Variants in UNC80 observed in about 807,000 individuals in gnomAD.
UNC80 encodes unc-80 subunit of NALCN channel complex, also known as protein unc-80 homolog.
A neutral mutation model predicts 384.6 loss-of-function variants in UNC80; 164 were observed. The ratio of observed to expected loss-of-function variants is 0.43; its 90% confidence interval spans 0.38 to 0.49. The LOEUF (loss-of-function observed/expected upper bound fraction) is 0.49, where lower values mean the gene tolerates loss of function less well. UNC80 is among the 20% of genes least tolerant of loss of function. The pLI, the probability that UNC80 is intolerant of heterozygous loss-of-function variation, is 0.00. For synonymous variants in UNC80, 1,486 were observed against 1,527.8 expected, an observed-to-expected ratio of 0.97 and a Z score of 0.64; for missense variants, 3,330 against 4,143.0, an observed-to-expected ratio of 0.80 and a Z score of 5.39.
chr2:209,789,619 A>G lies in UNC80; in HGVS notation c.798+14A>G, dbSNP rs1229651834. 1 of 1,591,076 alleles carries G rather than the reference A, an allele frequency of 6.3e-7. No homozygotes were observed. The highest frequency in any genetic ancestry group is 8.6e-7 in the Non-Finnish European group (1 of 1,159,724). On this transcript the variant is annotated intron_variant, in intron 6 of 64. Coordinates refer to ENST00000673920, the MANE Select transcript of UNC80 (RefSeq NM_001371986.1). Reference sequence around the variant, plus strand: ...AGACACTTAGAGGTTAGTTTATTATAATCATAAGAAGAAGGGAGGCAGAAA... The same window carrying G: ...AGACACTTAGAGGTTAGTTTATTATGATCATAAGAAGAAGGGAGGCAGAAA...
In UNC80 at chr2:209,839,423, C is replaced by T. The variant is rs183886966; in HGVS notation, c.3243C>T (p.Leu1081=). ...TTTCCCTCCGAAAGAAGCTTAAACT[C>T]CCCATAGGTAAAAGTATGTCTGTAT... ...RRISLRKKLK[L]PIGNWLKRSS... is the part of the protein sequence containing the mutation. The change falls in exon 19 of 65, where the codon CTC becomes CTT. Residue 1081 remains leucine (L), a synonymous_variant. Coordinates refer to ENST00000673920, the MANE Select transcript of UNC80 (RefSeq NM_001371986.1). The surrounding 1 kb of genome is among the most constrained non-coding windows in gnomAD (Gnocchi z 4.1). The T allele has an allele frequency of 1.7e-4, 260 of 1,552,058 alleles. 1 individual carries two copies. The East Asian group carries it at 4.9e-3, about 29-fold the overall frequency.
chr2:209,845,150 C>T (rs1459634362), intron 21 of UNC80: 3 of 151,558 alleles, frequency 2.0e-5, no homozygotes, highest in African/African-American at 7.3e-5. Flanking sequence ...GGAAAAGCCA[C>T]ATGAGGACAT....
At chr2:209,831,717 A>T in intron 16 of UNC80, 126 bp downstream of exon 16, 1 of 1,111,300 alleles carries the variant, frequency 9.0e-7, no homozygotes, top group African/African-American at 1.6e-5. Flanking sequence ...TTAAATATCT[A>T]TTTTCCCCGG....
intron 28 of UNC80, among the ~76,000 whole-genome samples, chr2:209,903,869 C>T (rs2087850455): frequency 6.6e-6 from 1 of 151,624 alleles, no homozygotes; most frequent in South Asian, 2.1e-4. Context: ...CCCACATCAT[C>T]TTGCTTTGTG....
rs1387342753 is a variant in UNC80 at position 209,926,939 on chromosome 2, T to C, written c.5759T>C (p.Ile1920Thr). 1 of 1,552,112 alleles carries C rather than the reference T, an allele frequency of 6.4e-7. No homozygotes were observed. Among genetic ancestry groups the C allele is most frequent in the Non-Finnish European group, 8.7e-7 (1 of 1,147,042 alleles). The change falls in exon 36 of 65, where the codon ATT (isoleucine) becomes ACT (threonine). Residue 1920 changes from isoleucine (I) to threonine (T), a missense_variant. By Grantham distance (89) the Ile-to-Thr change is moderately conservative. Transcript: ENST00000673920. ...PACICAAVLP[I>T]VHLMEDGEVR... ...TGCATCTGTGCAGCAGTACTTCCCA[T>C]TGTTCATCTGATGGAGGATGGTGAG...
intron 22 of UNC80, among the ~76,000 whole-genome samples, chr2:209,871,118 A>G (rs539896509): frequency 1.3e-5 from 2 of 152,302 alleles, no homozygotes; most frequent in African/African-American, 4.8e-5. Context: ...TGGGGAAATG[A>G]TATGTTTATA....
rs2090041167 is a variant in UNC80 at position 209,921,539 on chromosome 2, A to C, written c.5383A>C (p.Arg1795=). ...CCGGGCTGTGTCCCGCTCCCATCAA[A>C]GGGCAGAACACATCTTAAAGAACTT... The part of the protein sequence containing the change: ...SARAVSRSHQ[R]AEHILKNLQQ... The change falls in exon 34 of 65, where the codon AGG becomes CGG. Residue 1795 remains arginine (R), a synonymous_variant. Transcript: ENST00000673920. 1.3e-6 allele frequency: 2 copies of C among 1,540,804 alleles called. No homozygotes were observed. Among genetic ancestry groups the C allele is most frequent in the South Asian group, 2.4e-5 (2 of 83,800 alleles).
intron 6 of UNC80, among the ~76,000 whole-genome samples, chr2:209,791,775 G>C (rs568877978): frequency 7.9e-6 from 1 of 126,090 alleles, no homozygotes; most frequent in Admixed American, 1.0e-4. Flanking sequence ...AGCTGAGATC[G>C]TGCCACTGCA....
intron 30 of UNC80, among the ~76,000 whole-genome samples, 169 bp from the exon 31 acceptor site, chr2:209,913,633 A>T (rs542951303): frequency 5.9e-5 from 9 of 152,288 alleles, no homozygotes; most frequent in Non-Finnish European, 1.0e-4. Flanking sequence ...TATAAGGTAT[A>T]AAGCTTATCT....
At chr2:209,891,905 C>T (rs955598480) in intron 26 of UNC80, among the ~76,000 whole-genome samples, 1 of 152,072 alleles carries the variant, frequency 6.6e-6, no homozygotes, top group Non-Finnish European at 1.5e-5. Flanking sequence ...TTTGTAAAAC[C>T]TTAAGATGCC....
chr2:209,792,462 C>T (rs913548677), intron 6 of UNC80, among the ~76,000 whole-genome samples: 2 of 152,206 alleles, frequency 1.3e-5, no homozygotes, highest in Non-Finnish European at 2.9e-5. Flanking sequence ...ATTCTTCTGC[C>T]TCAGCCTCCC....
chr2:209,858,128 C>T (rs952507121), intron 22 of UNC80, among the ~76,000 whole-genome samples: 1 of 152,142 alleles, frequency 6.6e-6, no homozygotes, highest in Non-Finnish European at 1.5e-5. Context: ...ACAATGATGA[C>T]AAATACGTTC....
intron 47 of UNC80, among the ~76,000 whole-genome samples, chr2:209,952,437 C>T (rs2092228557): frequency 6.6e-6 from 1 of 152,186 alleles, no homozygotes; most frequent in African/African-American, 2.4e-5. Flanking sequence ...CTGCTAGGAT[C>T]AGCCTTCCAT....
chr2:209,949,831 CT>C (rs923331260), intron 47 of UNC80, among the ~76,000 whole-genome samples: 4 of 136,410 alleles, frequency 2.9e-5, no homozygotes, highest in African/African-American at 8.2e-5. Context: ...TATGGATTAG[CT>C]TTTTTTTATT....
chr2:209,916,724 T>C (rs139928603), intron 31 of UNC80, among the ~76,000 whole-genome samples: 2 of 152,206 alleles, frequency 1.3e-5, no homozygotes, highest in African/African-American at 2.4e-5. Flanking sequence ...AAAGGACTTA[T>C]CTAAGTTCAC....
rs71420778 is a variant in UNC80 at position 209,894,757 on chromosome 2, C to T, written c.4480+391C>T. On this transcript the variant is annotated intron_variant, in intron 27 of 64. Coordinates refer to ENST00000673920, the MANE Select transcript of UNC80 (RefSeq NM_001371986.1). Reference sequence around the variant, plus strand: ...ATGAAAAGGACAGTCTTTGAAATTCCGATGCTTGTGTATTCATTCTTTTGA... The same window carrying T: ...ATGAAAAGGACAGTCTTTGAAATTCTGATGCTTGTGTATTCATTCTTTTGA... 6.2e-4 allele frequency among the ~76,000 whole-genome samples: 95 copies of T among 152,186 alleles called. 1 individual carries two copies. Among genetic ancestry groups the T allele is most frequent in the African/African-American group, 1.9e-3 (78 of 41,528 alleles).
chr2:209,918,699 G>A (rs768093300), intron 33 of UNC80, 36 bp downstream of exon 33: 8 of 1,488,174 alleles, frequency 5.4e-6, no homozygotes, highest in African/African-American at 2.8e-5. Context: ...CATGGTGTAC[G>A]TGTAAAAGAG....
chr2:209,942,656 ACT>A (rs747966995), intron 44 of UNC80, among the ~76,000 whole-genome samples: 5 of 151,166 alleles, frequency 3.3e-5, no homozygotes, highest in Non-Finnish European at 7.4e-5. Flanking sequence ...CTATCACAGG[ACT>A]CTCTTCCTCA....
chr2:209,970,900 C>G lies in UNC80; in HGVS notation c.8199C>G (p.Leu2733=). The change falls in exon 54 of 65, where the codon CTC becomes CTG. Residue 2733 remains leucine (L), a synonymous_variant. Transcript: ENST00000673920. ...CCCTTCTTCATCTCAGCCCTTATCTCTCACCACCTCTGCCCTTCAGCACAG... is the reference window on the plus strand; with the variant it reads ...CCCTTCTTCATCTCAGCCCTTATCTGTCACCACCTCTGCCCTTCAGCACAG... ...GLPLLHLSPY[L]SPPLPFSTAV... 1.3e-6 allele frequency: 2 copies of G among 1,551,910 alleles called. No homozygotes were observed. The highest frequency in any genetic ancestry group is 1.7e-6 in the Non-Finnish European group (2 of 1,147,052).
Sources: gnomAD v4.1 joint callset for allele counts (sites outside exome capture counted in the v4.1 genomes callset) on GRCh38, gnomAD v4.1.1 for gene constraint, Gnocchi (gnomAD v3.1) non-coding constraint, MANE v1.5 for transcripts, NCBI Gene and HGNC (gene_info 2026-07-23, HGNC 2026-07-21) for gene names.